The following MED13L variants were observed in gnomAD, a reference collection of about 807,000 sequenced individuals.
MED13L encodes the protein mediator complex subunit 13L.
A neutral mutation model predicts 220.9 loss-of-function variants in MED13L; 7 were observed. The ratio of observed to expected loss-of-function variants is 0.03; its 90% CI spans 0.02 to 0.06. The LOEUF (loss-of-function observed/expected upper bound fraction) is 0.06. Among genes scored for constraint, MED13L ranks in the 10% least tolerant of loss-of-function variants. The pLI, the probability that MED13L is intolerant of heterozygous loss-of-function variation, is 1.00. For missense variants in MED13L, 1,965 were observed against 2,760.5 expected, an observed-to-expected ratio of 0.71 and a Z score of 6.46; for synonymous variants, 1,011 against 1,015.2, an observed-to-expected ratio of 1.00 and a Z score of 0.08.
At chr12:116,174,372 T>C (rs1209994083) in intron 2 of MED13L, 1 of 152,040 alleles carries the variant, frequency 6.6e-6, no homozygotes, top group East Asian at 1.9e-4. Flanking sequence ...GAAAGAGTAA[T>C]AGGTAGAGAG....
intron 1 of MED13L, among the ~76,000 whole-genome samples, chr12:116,272,289 G>A (rs752173496): frequency 3.3e-5 from 5 of 152,130 alleles, no homozygotes; most frequent in Non-Finnish European, 7.4e-5. Context: ...CTGGCCGGGC[G>A]CAGTGGCTCA....
At chr12:116,172,039 G>C (rs1271577370) in intron 2 of MED13L, among the ~76,000 whole-genome samples, 5 of 152,038 alleles carry the variant, frequency 3.3e-5, no homozygotes, top group Non-Finnish European at 7.4e-5. Context: ...CTTCTAATCA[G>C]CAAGTATTGA....
chr12:116,055,868 C>T (rs2551755), intron 4 of MED13L, among the ~76,000 whole-genome samples: 7 of 151,608 alleles, frequency 4.6e-5, no homozygotes, highest in Non-Finnish European at 4.4e-5. Context: ...GGACTCCAGC[C>T]TGGGCGACAG....
intron 2 of MED13L, among the ~76,000 whole-genome samples, chr12:116,149,860 A>G (rs996466379): frequency 2.0e-5 from 3 of 152,250 alleles, no homozygotes; most frequent in African/African-American, 7.2e-5. Flanking sequence ...GCAATAAAAA[A>G]TGTTTAATAA....
intron 4 of MED13L, among the ~76,000 whole-genome samples, chr12:116,061,580 T>A (rs1274805848): frequency 6.6e-6 from 1 of 152,136 alleles, no homozygotes; most frequent in East Asian, 1.9e-4. Context: ...TTACTAAAAT[T>A]AAGTACAGTC....
At chr12:116,148,609 CTATATATA>C (rs3043743) in intron 2 of MED13L, 58 of 183,258 alleles carry the variant, frequency 3.2e-4, no homozygotes, top group South Asian at 1.8e-3. Context: ...ATGGAGATAT[CTATATATA>C]TATATATATA....
Position 116,003,039 on chromosome 12 carries a change from C to T in MED13L, c.2533G>A (p.Gly845Arg), listed in dbSNP as rs1878840835. 1 of 1,614,116 alleles carries T rather than the reference C, an allele frequency of 6.2e-7. No homozygotes were observed. The highest frequency in any genetic ancestry group is 8.5e-7 in the Non-Finnish European group (1 of 1,179,972). ...PAVGTEDRPL[G>R]KDGRAAVPYP... is the part of the protein sequence containing the mutation. ...GGAACAGCAGCTCTTCCATCCTTCC[C>T]AAGAGGTCGGTCTTCTGTCCCAACT... Residue 845 changes from glycine (G) to arginine (R), a missense_variant, in exon 14 of 31, where the codon GGG becomes AGG. Gly to Arg is a moderately radical substitution (Grantham distance 125). Coordinates refer to ENST00000281928, the MANE Select transcript of MED13L (RefSeq NM_015335.5).
intron 2 of MED13L, among the ~76,000 whole-genome samples, chr12:116,173,669 A>C (rs1226670380): frequency 6.6e-6 from 1 of 152,148 alleles, no homozygotes; most frequent in Non-Finnish European, 1.5e-5. Context: ...CAGAGCATGC[A>C]TTTGCTGGAT....
In MED13L at chr12:116,022,493, A is replaced by G; in HGVS notation, c.588T>C (p.His196=). 6.2e-7 allele frequency: 1 copy of G among 1,613,828 alleles called. No homozygotes were observed. Among genetic ancestry groups the G allele is most frequent in the Non-Finnish European group, 8.5e-7 (1 of 1,179,882 alleles). ...CAGGTGAAGACTGAGCCATGTGTAT[A>G]TGCTCCTCATTGATCAAATAAATTG... ...HQPIYLINEE[H]IHMAQSSPAP... The change falls in exon 5 of 31, where the codon CAT becomes CAC. Residue 196 remains histidine, a synonymous_variant. Coordinates refer to ENST00000281928, the MANE Select transcript of MED13L (RefSeq NM_015335.5).
chr12:116,228,225 A>G (rs1338406537), intron 2 of MED13L, among the ~76,000 whole-genome samples: 1 of 152,338 alleles, frequency 6.6e-6, no homozygotes, highest in East Asian at 1.9e-4. Context: ...ACACAAGGAG[A>G]AGCAGCAAGT....
intron 2 of MED13L, among the ~76,000 whole-genome samples, chr12:116,224,222 G>A (rs752813547): frequency 2.6e-5 from 4 of 152,130 alleles, no homozygotes; most frequent in Non-Finnish European, 4.4e-5. Context: ...AGCTCCAAGA[G>A]GCCCAAATGT....
At chr12:116,179,619 A>T (rs1454748040) in intron 2 of MED13L, among the ~76,000 whole-genome samples, 20 of 152,120 alleles carry the variant, frequency 1.3e-4, no homozygotes, top group Admixed American at 1.2e-3. Context: ...TCCAAAAATA[A>T]ACACTCTATG....
Position 116,008,707 on chromosome 12 carries a change from T to C in MED13L, c.1706A>G (p.Glu569Gly). Residue 569 changes from glutamate (E) to glycine (G), a missense_variant, in exon 10 of 31, where the codon GAG (glutamate) becomes GGG (glycine). Physicochemically the swap from Glu to Gly is moderately conservative, Grantham distance 98. Coordinates refer to ENST00000281928, the MANE Select transcript of MED13L (RefSeq NM_015335.5). ...LSPQPRGQET[E>G]SLDPPSVPVN... ...AGGGACCGATGGTGGGTCCAAACTC[T>C]CTGTTTCCTGACCTCGTGGCTGAGG... is the stretch of plus-strand genomic sequence containing the variant. The C allele has an allele frequency of 6.2e-7, 1 of 1,614,014 alleles. No homozygotes were observed. The highest frequency in any genetic ancestry group is 8.5e-7 in the Non-Finnish European group (1 of 1,179,994).
intron 2 of MED13L, among the ~76,000 whole-genome samples, chr12:116,131,365 T>C (rs930013922): frequency 6.6e-6 from 1 of 152,206 alleles, no homozygotes; most frequent in African/African-American, 2.4e-5. Flanking sequence ...ACGCAAACTG[T>C]TCACCAGGTT....
chr12:116,237,345 A>C (rs1474902719), intron 2 of MED13L, 123 bp downstream of exon 2: 8 of 807,712 alleles, frequency 9.9e-6, no homozygotes, highest in Non-Finnish European at 2.1e-6. Context: ...TCCTTTTGAG[A>C]GAGACATCCA....
intron 2 of MED13L, among the ~76,000 whole-genome samples, chr12:116,234,027 T>C (rs1187429527): frequency 6.6e-6 from 1 of 152,176 alleles, no homozygotes; most frequent in East Asian, 1.9e-4. Flanking sequence ...AAATGCAAGA[T>C]GGTTGCTTTG....
At chr12:116,221,234 G>A (rs1047442185) in intron 2 of MED13L, among the ~76,000 whole-genome samples, 1 of 152,046 alleles carries the variant, frequency 6.6e-6, no homozygotes, top group African/African-American at 2.4e-5. Context: ...AATTGGCAAT[G>A]TGTGGTGGTA....
chr12:116,238,971 T>A (rs2138465810), intron 1 of MED13L, among the ~76,000 whole-genome samples: 1 of 152,212 alleles, frequency 6.6e-6, no homozygotes, highest in East Asian at 1.9e-4. Flanking sequence ...GGCGTGTGCC[T>A]GTAATCTCAG....
At chr12:116,130,768 C>T (rs1222837182) in intron 2 of MED13L, among the ~76,000 whole-genome samples, 1 of 152,046 alleles carries the variant, frequency 6.6e-6, no homozygotes, top group East Asian at 1.9e-4. Context: ...TAAGTAGCTG[C>T]ATGCAGTCCT....
Sources: gnomAD v4.1 joint callset for allele counts (sites outside exome capture counted in the v4.1 genomes callset) on GRCh38, gnomAD v4.1.1 for gene constraint, MANE v1.5 for transcripts, NCBI Gene and HGNC (gene_info 2026-07-23, HGNC 2026-07-21) for gene names.